Variants in TRMT11 observed in about 807,000 individuals in gnomAD.
The protein encoded by TRMT11 is tRNA methyltransferase 11.
TRMT11 carries 53 observed loss-of-function variants against 62.8 expected under a neutral mutation model. That is an observed-to-expected ratio of 0.84 (90% CI 0.68 to 1.06). The LOEUF is 1.06. TRMT11 is among the 50% of genes least tolerant of loss of function. The pLI, the probability that TRMT11 is intolerant of heterozygous loss-of-function variation, is 0.00. For synonymous variants in TRMT11, 188 were observed against 190.3 expected (o/e 0.99, Z 0.10); for missense variants, 556 against 553.4 (o/e 1.00, Z -0.05).
At chr6:126,152,269 T>TA (rs398002786) in intron 21 of TRMT11, among the ~76,000 whole-genome samples, 240 of 134,566 alleles carry the variant, frequency 1.8e-3, no homozygotes, top group South Asian at 4.6e-3. Context: ...ACCAAATGGC[T>TA]AAAAAAAAAA....
At chr6:126,209,688 A>G in the TRMT11 span, among the ~76,000 whole-genome samples, 1 of 152,164 alleles carries the variant, frequency 6.6e-6, no homozygotes, top group African/African-American at 2.4e-5. Context: ...ATCGCATGCC[A>G]CCGCACTCCA....
intron 21 of TRMT11, among the ~76,000 whole-genome samples, chr6:126,144,788 T>A (rs1777956151): frequency 6.6e-6 from 1 of 152,206 alleles, no homozygotes; most frequent in African/African-American, 2.4e-5. Context: ...AAGCTATGCA[T>A]GTATGTTTTT....
chr6:126,174,290 A>G (rs1778361148), upstream of TRMT11, among the ~76,000 whole-genome samples: 1 of 152,340 alleles, frequency 6.6e-6, no homozygotes, highest in South Asian at 2.1e-4. Flanking sequence ...AAGCAAAGGA[A>G]CAGTCTTATT....
intron 1 of TRMT11, among the ~76,000 whole-genome samples, chr6:126,198,195 T>A (rs1778689552): frequency 6.6e-6 from 1 of 152,146 alleles, no homozygotes; most frequent in Non-Finnish European, 1.5e-5. Flanking sequence ...TCCAAGAATC[T>A]TCCAGATGCA....
chr6:126,026,121 T>C (rs1773027975), intron 12 of TRMT11, among the ~76,000 whole-genome samples: 2 of 152,200 alleles, frequency 1.3e-5, no homozygotes, highest in Non-Finnish European at 2.9e-5. Flanking sequence ...AAGTGAATGA[T>C]GAGTAACACT....
At chr6:126,171,624 T>C (rs1288385085) in intron 21 of TRMT11, among the ~76,000 whole-genome samples, 2 of 152,208 alleles carry the variant, frequency 1.3e-5, no homozygotes, top group Non-Finnish European at 2.9e-5. Flanking sequence ...TAAAACAATT[T>C]GTCACAAGAG....
chr6:126,017,485 A>G (rs578082504), intron 11 of TRMT11, among the ~76,000 whole-genome samples: 6 of 152,202 alleles, frequency 3.9e-5, no homozygotes, highest in Non-Finnish European at 8.8e-5. Context: ...TTTTCCTTCT[A>G]GTCTACACTC....
chr6:126,125,751 G>A (rs558161082), intron 21 of TRMT11, among the ~76,000 whole-genome samples: 27 of 152,136 alleles, frequency 1.8e-4, no homozygotes, highest in Non-Finnish European at 3.7e-4. Flanking sequence ...TTATAGTGTG[G>A]TGAGCCAGCG....
At chr6:126,201,417 A>T (rs544313766) in intron 3 of TRMT11, among the ~76,000 whole-genome samples, 1 of 152,314 alleles carries the variant, frequency 6.6e-6, no homozygotes, top group South Asian at 2.1e-4. Context: ...TATATCCTGC[A>T]TGCTGCCTGT....
At chr6:126,182,500 C>T (rs1421874495) in intron 1 of TRMT11, among the ~76,000 whole-genome samples, 1 of 151,914 alleles carries the variant, frequency 6.6e-6, no homozygotes, top group African/African-American at 2.4e-5. Context: ...CCTTAGTGGT[C>T]TCTTTTTGAG....
chr6:126,067,199 C>CAAAAA (rs778111134), intron 17 of TRMT11, among the ~76,000 whole-genome samples: 1 of 96,348 alleles, frequency 1.0e-5, no homozygotes, highest in African/African-American at 3.2e-5. Context: ...GACTCCTTCT[C>CAAAAA]AAAAAAAAAA....
chr6:126,103,100 G>A (rs766103348), intron 17 of TRMT11, among the ~76,000 whole-genome samples: 29 of 152,092 alleles, frequency 1.9e-4, no homozygotes, highest in Non-Finnish European at 3.4e-4. Context: ...GAACCTCCTC[G>A]ACTTCCATCG....
intron 17 of TRMT11, among the ~76,000 whole-genome samples, chr6:126,088,437 A>G (rs1315502008): frequency 1.3e-5 from 2 of 152,242 alleles, no homozygotes; most frequent in African/African-American, 2.4e-5. Flanking sequence ...ATCTACCAGC[A>G]GGTGTAAGGA....
At chr6:126,128,742 T>C (rs775684967) in intron 21 of TRMT11, among the ~76,000 whole-genome samples, 3 of 152,060 alleles carry the variant, frequency 2.0e-5, no homozygotes, top group Non-Finnish European at 4.4e-5. Context: ...ACATATTTGG[T>C]CCAGCAGTTA....
intron 21 of TRMT11, among the ~76,000 whole-genome samples, chr6:126,146,862 T>TTGAATTGGGCCTGGA (rs369073111): frequency 8.7e-6 from 1 of 114,898 alleles, no homozygotes; most frequent in African/African-American, 3.4e-5. Flanking sequence ...AAGTAGTAAC[T>TTGAATTGGGCCTGGA]ACTGATATTA....
rs577764657 is a variant in TRMT11, at chr6:126,013,195, C to T, written c.1139+94C>T. On this transcript the variant is annotated intron_variant, in intron 11 of 12. Coordinates refer to ENST00000334379, the MANE Select transcript of TRMT11 (RefSeq NM_001031712.3). Reference sequence around the variant, plus strand: ...TCTTTATCTCTTCTTGCATTTGGTGCATCTTTATATTTAATTTGTAATAGC... The same window carrying T: ...TCTTTATCTCTTCTTGCATTTGGTGTATCTTTATATTTAATTTGTAATAGC... The T allele has an allele frequency of 1.2e-4, 133 of 1,122,030 alleles. No individual in the cohort carries two copies. In the African/African-American group the frequency reaches 2.0e-3, roughly 16 times the overall value. The allele number at this position is 1,122,030 out of a possible 1,614,324, so 69.5% of individuals were successfully genotyped here.
chr6:126,052,133 G>A (rs928184668), intron 16 of TRMT11, among the ~76,000 whole-genome samples: 6 of 152,160 alleles, frequency 3.9e-5, no homozygotes, highest in African/African-American at 1.2e-4. Flanking sequence ...TTGAAGCTGC[G>A]AGAATAACAC....
At chr6:126,206,126 T>C (rs2128254925), downstream of TRMT11, among the ~76,000 whole-genome samples, 1 of 152,368 alleles carries the variant, frequency 6.6e-6, no homozygotes, top group Middle Eastern at 3.4e-3. Context: ...ATCTGCAGTC[T>C]AACTTCGAAA....
the TRMT11 span, among the ~76,000 whole-genome samples, chr6:126,247,715 A>G: frequency 6.6e-6 from 1 of 151,742 alleles, no homozygotes; most frequent in East Asian, 1.9e-4. Flanking sequence ...AAATTGGGAT[A>G]AAAGAAAACT....
Sources: gnomAD v4.1 joint callset for allele counts (sites outside exome capture counted in the v4.1 genomes callset) on GRCh38, gnomAD v4.1.1 for gene constraint, MANE v1.5 for transcripts, NCBI Gene and HGNC (gene_info 2026-07-23, HGNC 2026-07-21) for gene names.